Variants in RERE observed in about 807,000 individuals in gnomAD.
The protein encoded by RERE is arginine-glutamic acid dipeptide repeats protein.
In RERE, 40 loss-of-function variants were observed where a neutral mutation model predicts 146.1. The ratio of observed to expected loss-of-function variants is 0.27; its 90% CI spans 0.21 to 0.36. The LOEUF (loss-of-function observed/expected upper bound fraction) is 0.36. Ranked by LOEUF, RERE falls within the 10% of genes least tolerant of loss-of-function variation. The pLI is 1.00. For missense variants in RERE, 1,933 were observed against 2,138.7 expected (o/e 0.90, Z 1.90); for synonymous variants, 1,003 against 866.0 (o/e 1.16, Z -2.78).
At chr1:8,721,279 C>T (rs188782406) in intron 1 of RERE, among the ~76,000 whole-genome samples, 4 of 152,152 alleles carry the variant, frequency 2.6e-5, no homozygotes, top group South Asian at 2.1e-4. Flanking sequence ...AGAGTTGAAC[C>T]GAAAGAGTTT....
intron 1 of RERE, among the ~76,000 whole-genome samples, chr1:8,667,284 G>T (rs942734429): frequency 6.6e-6 from 1 of 152,146 alleles, no homozygotes; most frequent in Non-Finnish European, 1.5e-5. Flanking sequence ...AGTAAGAAAC[G>T]ATATATAATC....
chr1:8,388,481 G>A lies in RERE; in HGVS notation c.1285-22507C>T, dbSNP rs1436110690. Among the ~76,000 whole-genome samples the A allele has an allele frequency of 5.3e-5, 8 of 152,202 alleles. No individual in the cohort carries two copies. The East Asian group carries it at 5.8e-4, about 11-fold the overall frequency. ...ACTACAGGCGCCCGCCACCGCGCCCGGCTAATTTTTTGTATTTTTAGTAGA... is the reference window on the plus strand; with the variant it reads ...ACTACAGGCGCCCGCCACCGCGCCCAGCTAATTTTTTGTATTTTTAGTAGA... On this transcript the variant is annotated intron_variant, in intron 12 of 22. Coordinates refer to ENST00000400908, the MANE Select transcript of RERE (RefSeq NM_001042681.2).
At chr1:8,511,897 A>T (rs1645341480) in intron 7 of RERE, 2 of 151,622 alleles carry the variant, frequency 1.3e-5, no homozygotes, top group Non-Finnish European at 2.9e-5. Context: ...ATGAGGCTGC[A>T]GCCAGGTGCA....
At chr1:8,597,803 T>C (rs945641795) in intron 4 of RERE, among the ~76,000 whole-genome samples, 9 of 151,854 alleles carry the variant, frequency 5.9e-5, no homozygotes, top group Admixed American at 1.3e-4. Context: ...TTTTTAATGA[T>C]CAATCCTGTT....
intron 10 of RERE, among the ~76,000 whole-genome samples, chr1:8,469,138 A>G (rs759674063): frequency 5.9e-5 from 9 of 152,138 alleles, no homozygotes; most frequent in Admixed American, 4.6e-4. Flanking sequence ...TGTTAGCTAC[A>G]TCTTTTAAAA....
chr1:8,778,155 T>G (rs990534203), intron 1 of RERE, among the ~76,000 whole-genome samples: 1 of 152,186 alleles, frequency 6.6e-6, no homozygotes, highest in Non-Finnish European at 1.5e-5. Flanking sequence ...TACATAAAAT[T>G]TATCTATTAG....
Position 8,361,447 on chromosome 1 carries a change from C to T in RERE, c.2060G>A (p.Ser687Asn), listed in dbSNP as rs761691486. ...ATCGTTGACGCTGCGACTGTCTGAA[C>T]TCTCTCCCTCACCTTCAGATGGCGA... ...PNSPSEGEGE[S>N]SDSRSVNDEG... The change falls in exon 18 of 23, where the codon AGT becomes AAT. Residue 687 changes from serine (S) to asparagine (N), a missense_variant. By Grantham distance (46) the Ser-to-Asn change is conservative. Transcript: ENST00000400908. The T allele has an allele frequency of 6.2e-7, 1 of 1,613,524 alleles. No individual in the cohort carries two copies. Among genetic ancestry groups the T allele is most frequent in the Non-Finnish European group, 8.5e-7 (1 of 1,179,954 alleles).
At position 8,780,080 on chromosome 1, in the gene RERE, T is replaced by A. The variant is rs551467066; in HGVS notation, c.-145+37080A>T. 1.0e-3 allele frequency among the ~76,000 whole-genome samples: 153 copies of A among 152,220 alleles called. 1 individual carries two copies. Among genetic ancestry groups the A allele is most frequent in the African/African-American group, 3.5e-3 (145 of 41,534 alleles). ...GGTGTTGTGCACCTGTAATCCCAGC[T>A]ACTCAGGTGGCAAGATTCTGTCTCA... On this transcript the variant is annotated intron_variant, in intron 1 of 22. Transcript: ENST00000400908.
intron 4 of RERE, among the ~76,000 whole-genome samples, chr1:8,573,500 T>C (rs1646249294): frequency 6.6e-6 from 1 of 152,214 alleles, no homozygotes; most frequent in East Asian, 1.9e-4. Flanking sequence ...GTGACATGTA[T>C]TACCTTCATA....
intron 12 of RERE, among the ~76,000 whole-genome samples, chr1:8,415,391 C>A (rs1643732886): frequency 6.6e-6 from 1 of 152,174 alleles, no homozygotes; most frequent in Non-Finnish European, 1.5e-5. Flanking sequence ...TTAGCAAATA[C>A]CAACAGCAAA....
intron 10 of RERE, among the ~76,000 whole-genome samples, chr1:8,487,961 C>T (rs1055345188): frequency 4.0e-5 from 6 of 151,808 alleles, no homozygotes; most frequent in Admixed American, 6.6e-5. Context: ...TAAAAGAAAG[C>T]GGGGCATGGT....
intron 6 of RERE, among the ~76,000 whole-genome samples, chr1:8,547,521 G>A (rs781225713): frequency 1.3e-5 from 2 of 152,020 alleles, no homozygotes; most frequent in African/African-American, 2.4e-5. Context: ...CATGTACCAC[G>A]GTTGTATAAA....
chr1:8,539,984 C>G (rs1248639572), intron 7 of RERE, among the ~76,000 whole-genome samples: 2 of 152,150 alleles, frequency 1.3e-5, no homozygotes, highest in Non-Finnish European at 2.9e-5. Flanking sequence ...TCTGAAAGTC[C>G]TCTAGAAAAA....
chr1:8,775,819 T>C (rs1641053174), intron 1 of RERE, among the ~76,000 whole-genome samples: 1 of 152,224 alleles, frequency 6.6e-6, no homozygotes, highest in South Asian at 2.1e-4. Flanking sequence ...TTAACTCTTT[T>C]AACAATTTTA....
intron 1 of RERE, chr1:8,703,179 T>A (rs1334317836): frequency 6.6e-6 from 1 of 151,032 alleles, no homozygotes; most frequent in Non-Finnish European, 1.5e-5. Context: ...GCCCGGGGAG[T>A]GAAGTGCACT....
At chr1:8,385,480 T>A (rs1330427764) in intron 12 of RERE, among the ~76,000 whole-genome samples, 1 of 152,144 alleles carries the variant, frequency 6.6e-6, no homozygotes. Context: ...AGGGGCAGGC[T>A]ACCACGGAGT....
At chr1:8,686,568 G>A (rs1170210942) in intron 1 of RERE, among the ~76,000 whole-genome samples, 9 of 152,258 alleles carry the variant, frequency 5.9e-5, no homozygotes, top group Non-Finnish European at 1.3e-4. Context: ...TGGCCAACAT[G>A]GTGAAACCCC....
intron 1 of RERE, among the ~76,000 whole-genome samples, chr1:8,684,629 T>C (rs1256311623): frequency 6.6e-6 from 1 of 152,204 alleles, no homozygotes; most frequent in African/African-American, 2.4e-5. Context: ...AAATAGTAAG[T>C]ATAGCTCCTA....
chr1:8,671,528 T>C (rs1638717810), intron 1 of RERE, among the ~76,000 whole-genome samples: 1 of 152,208 alleles, frequency 6.6e-6, no homozygotes, highest in South Asian at 2.1e-4. Context: ...ACACCAGCTG[T>C]CCAAATGACT....
Sources: gnomAD v4.1 joint callset for allele counts (sites outside exome capture counted in the v4.1 genomes callset) on GRCh38, gnomAD v4.1.1 for gene constraint, MANE v1.5 for transcripts, NCBI Gene and HGNC (gene_info 2026-07-23, HGNC 2026-07-21) for gene names.